HUWE1: variants seen among roughly 807,000 people sequenced by gnomAD.
The protein encoded by HUWE1 is HECT, UBA and WWE domain containing E3 ubiquitin protein ligase 1.
HUWE1 carries 18 observed loss-of-function variants against 299.4 expected under a neutral mutation model. The ratio of observed to expected loss-of-function variants is 0.06; its 90% confidence interval spans 0.04 to 0.09. The LOEUF (loss-of-function observed/expected upper bound fraction) is 0.09, where lower values mean the gene tolerates loss of function less well. Among genes scored for constraint, HUWE1 ranks in the 10% least tolerant of loss-of-function variants. The pLI is 1.00. For synonymous variants in HUWE1, 1,317 were observed against 1,286.1 expected, an observed-to-expected ratio of 1.02 and a Z score of -0.51; for missense variants, 1,832 against 3,462.3, an observed-to-expected ratio of 0.53 and a Z score of 11.82.
intron 55 of HUWE1, among the ~76,000 whole-genome samples, chrX:53,561,328 A>C (rs1428497690): frequency 8.9e-6 from 1 of 112,414 alleles, no homozygotes; most frequent in East Asian, 2.8e-4. Flanking sequence ...TCCTGGATGA[A>C]TAGAGTGAGT....
chrX:53,622,489 A>T (rs1447069596), intron 19 of HUWE1, among the ~76,000 whole-genome samples: 1 of 111,711 alleles, frequency 9.0e-6, no homozygotes, highest in Non-Finnish European at 1.9e-5. Context: ...CCTCATCAGA[A>T]TCTTTGGTGT....
rs200846981 is a variant in HUWE1 at position 53,617,519 on chromosome X, TAAAA to T, written c.1673-77_1673-74del. ...AACTGAAAACAAAACACCAAAAGCTTAAAAAAAAATACATACTCAATGTCTAGCA... is the reference window on the plus strand; with the variant it reads ...AACTGAAAACAAAACACCAAAAGCTTAAAAATACATACTCAATGTCTAGCA... On this transcript the variant is annotated intron_variant, in intron 19 of 83. Coordinates refer to ENST00000262854, the MANE Select transcript of HUWE1 (RefSeq NM_031407.7). 2.5e-5 allele frequency: 15 copies of T among 602,929 alleles called. No individual in the cohort carries two copies. In the South Asian group the frequency reaches 2.7e-4, roughly 11 times the overall value. The allele number at this position is 602,929 out of a possible 1,213,427, so 49.7% of individuals were successfully genotyped here.
chrX:53,646,892 T>C (rs1020118413), intron 6 of HUWE1, among the ~76,000 whole-genome samples: 9 of 112,010 alleles, frequency 8.0e-5, no homozygotes, highest in African/African-American at 2.9e-4. Context: ...TGCACCTACC[T>C]TACTCTTCAA....
chrX:53,676,969 T>C (rs2149598002), intron 3 of HUWE1, among the ~76,000 whole-genome samples: 1 of 110,460 alleles, frequency 9.1e-6, no homozygotes. Flanking sequence ...AGCTAACAGA[T>C]GAAAACAAAA....
At chrX:53,552,546 A>G (rs1009543026) in intron 62 of HUWE1, 92 bp downstream of exon 62, 3 of 1,200,230 alleles carry the variant, frequency 2.5e-6, no homozygotes, top group South Asian at 1.8e-5. Flanking sequence ...TCTCCCCAGC[A>G]TAACAAGCAT....
At position 53,654,075 on chromosome X, in the gene HUWE1, T is replaced by C. The variant is rs782698694; in HGVS notation, c.33A>G (p.Thr11=). Residue 11 remains threonine (T), a synonymous_variant, in exon 4 of 84, where the codon ACA becomes ACG. Transcript: ENST00000262854. The stretch of plus-strand genomic sequence containing the variant: ...TTTGGATACTTACAGCCTCAGTAGG[T>C]GTCTTCTTCAGTTTAGTCCTGTCTA... MKVDRTKLKK[T]PTEAPADCRA... 10 of 1,188,478 alleles carry C rather than the reference T, an allele frequency of 8.4e-6. No individual in the cohort carries two copies. In the South Asian group the frequency reaches 1.1e-4, roughly 13 times the overall value.
In HUWE1 at chrX:53,632,583, A is replaced by G. The variant is rs376242847; in HGVS notation, c.568-19T>C. On this transcript the variant is annotated intron_variant, in intron 8 of 83. Transcript: ENST00000262854. ...GATATTTCTGTGTATAAAGCACATC[A>G]AAGAATCAGACATTGAGTTTCAACT... The G allele has an allele frequency of 3.8e-5, 42 of 1,095,285 alleles. No homozygotes were observed. The highest frequency in any genetic ancestry group is 5.2e-5 in the Non-Finnish European group (41 of 790,405). 90.3% of individuals were successfully genotyped at this position (1,095,285 alleles called of 1,213,427 possible).
In HUWE1 at chrX:53,544,723, C is replaced by T; in HGVS notation, c.11088G>A (p.Gln3696=). 1 of 1,208,990 alleles carries T rather than the reference C, an allele frequency of 8.3e-7. No homozygotes were observed. The highest frequency in any genetic ancestry group is 1.1e-6 in the Non-Finnish European group (1 of 894,766). ...GCTCCCGGCCACCCAAAGGTCGCTT[C>T]TGAGATGCCACAATTACCACATTCT... ...MAENVVIVAS[Q]KRPLGGRELQ... The change falls in exon 72 of 84, where the codon CAG becomes CAA. Residue 3696 remains glutamine (Q), a synonymous_variant. Transcript: ENST00000262854.
Position 53,586,901 on chromosome X carries a change from C to T in HUWE1, c.4623G>A (p.Lys1541=). The T allele has an allele frequency of 8.3e-7, 1 of 1,211,144 alleles. No homozygotes were observed. The highest frequency in any genetic ancestry group is 1.1e-6 in the Non-Finnish European group (1 of 895,118). The part of the protein sequence containing the change: ...LLLTLLFEEL[K]LPCAWVVESS... ...ATTCAACCACCCAAGCACAAGGTAG[C>T]TTCAACTCCTGATAGATCAAAGGGA... The change falls in exon 38 of 84, where the codon AAG becomes AAA. Residue 1541 remains lysine (K), a synonymous_variant. Coordinates refer to ENST00000262854, the MANE Select transcript of HUWE1 (RefSeq NM_031407.7).
At chrX:53,656,057 C>A (rs1557042799) in intron 3 of HUWE1, among the ~76,000 whole-genome samples, 1 of 109,472 alleles carries the variant, frequency 9.1e-6, no homozygotes, top group Non-Finnish European at 1.9e-5. Context: ...CCAGCCTGGG[C>A]AACAGAGCGA....
rs1004361569 is a variant in HUWE1, at chrX:53,604,943, T to C, written c.2497-109A>G. 2.1e-5 allele frequency: 17 copies of C among 801,033 alleles called. No individual in the cohort carries two copies. In the African/African-American group the frequency reaches 3.1e-4, roughly 15 times the overall value. The allele number at this position is 801,033 out of a possible 1,213,427, so 66.0% of individuals were successfully genotyped here. A position where few individuals can be genotyped will look rare whatever the true frequency, so the allele number is the denominator to read the frequency against. On this transcript the variant is annotated intron_variant, in intron 25 of 83. Coordinates refer to ENST00000262854, the MANE Select transcript of HUWE1 (RefSeq NM_031407.7). ...CAATTAAATGGAAGCCTCTCAGATT[T>C]TGGATATGGCCATGGTCTCTCACCT... is the stretch of plus-strand genomic sequence containing the variant.
chrX:53,639,687 T>C (rs1285481659), intron 7 of HUWE1, among the ~76,000 whole-genome samples: 1 of 112,256 alleles, frequency 8.9e-6, no homozygotes, highest in Non-Finnish European at 1.9e-5. Flanking sequence ...AAAATAATCA[T>C]GTGACAATAT....
intron 3 of HUWE1, among the ~76,000 whole-genome samples, chrX:53,661,785 C>A (rs1442839406): frequency 9.0e-6 from 1 of 111,639 alleles, no homozygotes; most frequent in Non-Finnish European, 1.9e-5. Context: ...ACCATTACTT[C>A]AATACTTTTA....
rs1398662953 is a variant in HUWE1 at position 53,585,105 on chromosome X, G to A, written c.4908C>T (p.Ser1636=). 1 of 1,210,145 alleles carries A rather than the reference G, an allele frequency of 8.3e-7. No homozygotes were observed. The highest frequency in any genetic ancestry group is 1.1e-6 in the Non-Finnish European group (1 of 895,096). Reference sequence around the variant, plus strand: ...CAGATTTCCAGGCAGAATCAATAGTGCTATTGTTGCTTGCACTGTAACTAC... The same window carrying A: ...CAGATTTCCAGGCAGAATCAATAGTACTATTGTTGCTTGCACTGTAACTAC... ...RWCSYSASNN[S]TIDSAWKSGE... The change falls in exon 40 of 84, where the codon AGC becomes AGT. Residue 1636 remains serine (S), a synonymous_variant. Coordinates refer to ENST00000262854, the MANE Select transcript of HUWE1 (RefSeq NM_031407.7).
chrX:53,544,891 A>G, intron 71 of HUWE1, 129 bp from the exon 72 acceptor site: 2 of 908,402 alleles, frequency 2.2e-6, no homozygotes, highest in Non-Finnish European at 3.2e-6. Context: ...AGTAGGAAGT[A>G]GAAAAAAATG....
chrX:53,617,903 G>C (rs1270851851), intron 19 of HUWE1, among the ~76,000 whole-genome samples: 1 of 112,124 alleles, frequency 8.9e-6, no homozygotes, highest in Non-Finnish European at 1.9e-5. Context: ...GGCTTGCTGG[G>C]TTAAAGCAAA....
At chrX:53,578,397 A>G (rs2063321430) in intron 43 of HUWE1, among the ~76,000 whole-genome samples, 1 of 81,142 alleles carries the variant, frequency 1.2e-5, no homozygotes, top group Non-Finnish European at 2.3e-5. Context: ...CCCGTCCGGG[A>G]GGTGAGGGGC....
intron 48 of HUWE1, among the ~76,000 whole-genome samples, chrX:53,569,122 G>A (rs2062703982): frequency 9.0e-6 from 1 of 111,524 alleles, no homozygotes. Flanking sequence ...ACCTTCCTGG[G>A]CTGAAGTGAC....
intron 19 of HUWE1, among the ~76,000 whole-genome samples, chrX:53,623,331 G>C (rs2066264988): frequency 9.1e-6 from 1 of 110,332 alleles, no homozygotes; most frequent in Admixed American, 9.6e-5. Context: ...CCTGCCCCTG[G>C]CCTTGAGACG....
Sources: gnomAD v4.1 joint callset for allele counts (sites outside exome capture counted in the v4.1 genomes callset) on GRCh38, gnomAD v4.1.1 for gene constraint, MANE v1.5 for transcripts, NCBI Gene and HGNC (gene_info 2026-07-23, HGNC 2026-07-21) for gene names.